The following MDFI variants were observed in gnomAD, a reference collection of about 807,000 sequenced individuals.
The protein encoded by MDFI is MyoD family inhibitor, also known as inhibitor of MyoD family a.
In MDFI, 16 loss-of-function variants were observed where a neutral mutation model predicts 22.3. That is an observed-to-expected ratio of 0.72 (90% CI 0.49 to 1.09). The LOEUF (loss-of-function observed/expected upper bound fraction) is 1.09. MDFI is among the 50% of genes least tolerant of loss of function. MDFI has a pLI of 0.00. For synonymous variants in MDFI, 145 were observed against 142.7 expected (o/e 1.02, Z -0.12); for missense variants, 314 against 326.1 (o/e 0.96, Z 0.29).
At position 41,639,895 on chromosome 6, in the gene MDFI, G is replaced by A. The variant is rs541246531; in HGVS notation, c.76+1070G>A. The A allele has an allele frequency of 6.3e-5, 62 of 985,420 alleles. No homozygotes were observed. In the South Asian group the frequency reaches 1.7e-3, roughly 27 times the overall value. 61.0% of individuals were successfully genotyped at this position (985,420 alleles called of 1,614,324 possible). ...CCGGCCTGCCTGCCTGTTCTAGGAG[G>A]CCCCTCTCCACTCCCCACCTACTTG... is the stretch of plus-strand genomic sequence containing the variant. On this transcript the variant is annotated intron_variant, in intron 2 of 4. Transcript: ENST00000230321.
intron 4 of MDFI, among the ~76,000 whole-genome samples, chr6:41,650,676 C>A (rs993497501): frequency 6.7e-6 from 1 of 149,662 alleles, no homozygotes; most frequent in African/African-American, 2.5e-5. Flanking sequence ...CGGGTTCAAG[C>A]GATTCTTCTG....
intron 2 of MDFI, among the ~76,000 whole-genome samples, chr6:41,644,285 C>T (rs916963290): frequency 9.9e-5 from 15 of 152,196 alleles, no homozygotes; most frequent in Admixed American, 9.2e-4. Context: ...CCCCTGCCTC[C>T]GTGGAGCCAT....
intron 2 of MDFI, 92 bp from the exon 3 acceptor site, chr6:41,646,034 A>G (rs7763699): frequency 0.16 from 183,576 of 1,132,482 alleles, 16,115 homozygotes; most frequent in African/African-American, 0.22. Flanking sequence ...ATGAGGGTTC[A>G]GTGGGCATGC....
rs570560973 is a variant in MDFI at position 41,653,217 on chromosome 6, C to T, written c.485-102C>T. The T allele has an allele frequency of 1.9e-5, 23 of 1,210,864 alleles. No individual in the cohort carries two copies. The highest frequency in any genetic ancestry group is 4.1e-4 in the Middle Eastern group (2 of 4,912). 75.0% of individuals were successfully genotyped at this position (1,210,864 alleles called of 1,614,324 possible). Reference sequence around the variant, plus strand: ...AGGCACACAGTGAACACTCAGCGTCCCTGCTGCTGCCGCTGCCGCAGGCCC... The same window carrying T: ...AGGCACACAGTGAACACTCAGCGTCTCTGCTGCTGCCGCTGCCGCAGGCCC... On this transcript the variant is annotated intron_variant, in intron 4 of 4. Coordinates refer to ENST00000230321, the MANE Select transcript of MDFI (RefSeq NM_005586.4). This position sits in a 1 kb window ranked among gnomAD's most constrained non-coding sequence, Gnocchi z 4.2.
chr6:41,643,542 G>GAAGA, intron 2 of MDFI, among the ~76,000 whole-genome samples: 1 of 115,930 alleles, frequency 8.6e-6, no homozygotes, highest in African/African-American at 3.3e-5. Context: ...GGGAAGGAGG[G>GAAGA]AAGGAGGGAA....
chr6:41,639,054 A>T (rs1767745483), intron 2 of MDFI, among the ~76,000 whole-genome samples: 1 of 151,122 alleles, frequency 6.6e-6, no homozygotes, highest in Non-Finnish European at 1.5e-5. Flanking sequence ...GTTGGCTCCA[A>T]CTCCCCGCAA....
In MDFI at chr6:41,653,199, C is replaced by T; in HGVS notation, c.485-120C>T. On this transcript the variant is annotated intron_variant, in intron 4 of 4. Transcript: ENST00000230321. This position sits in a 1 kb window ranked among gnomAD's most constrained non-coding sequence, Gnocchi z 4.2. ...GACGGATTCGTGAGCTTCAGGCACA[C>T]AGTGAACACTCAGCGTCCCTGCTGC... The T allele has an allele frequency of 9.8e-7, 1 of 1,018,742 alleles. No individual in the cohort carries two copies. Among genetic ancestry groups the T allele is most frequent in the Non-Finnish European group, 1.5e-6 (1 of 673,530 alleles). The allele number at this position is 1,018,742 out of a possible 1,614,324, so 63.1% of individuals were successfully genotyped here. A position where few individuals can be genotyped will look rare whatever the true frequency, so the allele number is the denominator to read the frequency against.
Position 41,649,794 on chromosome 6 carries a change from G to T in MDFI, c.435G>T (p.Lys145Asn). The T allele has an allele frequency of 6.2e-7, 1 of 1,614,074 alleles. No individual in the cohort carries two copies. Among genetic ancestry groups the T allele is most frequent in the Non-Finnish European group, 8.5e-7 (1 of 1,180,002 alleles). ...SLASQGSKKS[K>N]SSSKSTTSQI... ...CCAGCCAGGGCAGCAAGAAGAGTAA[G>T]AGCAGCAGCAAATCCACCACCTCCC... The change falls in exon 4 of 5, where the codon AAG (lysine) becomes AAT (asparagine). Residue 145 changes from lysine to asparagine, a missense_variant. Lys to Asn is a moderately conservative substitution (Grantham distance 94). Transcript: ENST00000230321.
At chr6:41,649,929 T>A in intron 4 of MDFI, 86 bp downstream of exon 4, 1 of 1,140,508 alleles carries the variant, frequency 8.8e-7, no homozygotes. Flanking sequence ...TGGAGCACCT[T>A]CACCAGGCTG....
In MDFI at chr6:41,653,286, T is replaced by C. The variant is rs776093714; in HGVS notation, c.485-33T>C. 1.3e-6 allele frequency: 2 copies of C among 1,596,760 alleles called. No homozygotes were observed. Among genetic ancestry groups the C allele is most frequent in the Admixed American group, 1.7e-5 (1 of 59,732 alleles). On this transcript the variant is annotated intron_variant, in intron 4 of 4. Coordinates refer to ENST00000230321, the MANE Select transcript of MDFI (RefSeq NM_005586.4). The surrounding 1 kb of genome is among the most constrained non-coding windows in gnomAD (Gnocchi z 4.2). Reference sequence around the variant, plus strand: ...CACACACGCTCATCCCTCCCCTCTCTCACCCGTCCCCCTCTCCACCGCCAC... The same window carrying C: ...CACACACGCTCATCCCTCCCCTCTCCCACCCGTCCCCCTCTCCACCGCCAC...
At chr6:41,642,601 CTG>C (rs1325782141) in intron 2 of MDFI, among the ~76,000 whole-genome samples, 1 of 152,204 alleles carries the variant, frequency 6.6e-6, no homozygotes, top group African/African-American at 2.4e-5. Flanking sequence ...TTCTGCTTCC[CTG>C]TCTCTGGATA....
intron 3 of MDFI, among the ~76,000 whole-genome samples, chr6:41,647,753 G>A (rs1768105087): frequency 6.6e-6 from 1 of 152,118 alleles, no homozygotes; most frequent in South Asian, 2.1e-4. Context: ...CTATTGCGAT[G>A]CCTAAAGAAG....
Position 41,638,646 on chromosome 6 carries a change from C to A in MDFI, c.-18C>A. ...GGCTGGAAGAGAGCGTAGCACGGCTCGCACGAGTGAGTGGACGTGGGAGGC... is the reference window on the plus strand; with the variant it reads ...GGCTGGAAGAGAGCGTAGCACGGCTAGCACGAGTGAGTGGACGTGGGAGGC... On this transcript the variant is annotated 5_prime_UTR_variant, in exon 1 of 5. Coordinates refer to ENST00000230321, the MANE Select transcript of MDFI (RefSeq NM_005586.4). This position sits in a 1 kb window ranked among gnomAD's most constrained non-coding sequence, Gnocchi z 7.6. 1 of 1,310,812 alleles carries A rather than the reference C, an allele frequency of 7.6e-7. No homozygotes were observed. Among genetic ancestry groups the A allele is most frequent in the Non-Finnish European group, 1.0e-6 (1 of 953,088 alleles). The allele number at this position is 1,310,812 out of a possible 1,614,324, so 81.2% of individuals were successfully genotyped here.
At chr6:41,639,914 C>T in intron 2 of MDFI, 1 of 985,476 alleles carries the variant, frequency 1.0e-6, no homozygotes. Flanking sequence ...CACTCCCCAC[C>T]TACTTGGTAT....
In MDFI at chr6:41,638,700, C is replaced by T. The variant is rs149343216; in HGVS notation, c.-11-39C>T. ...CATCTGCGGGGGAATCGCCCCTTGC[C>T]CGCCTCCGGCGCCGCCCGCTGAGCC... is the stretch of plus-strand genomic sequence containing the variant. On this transcript the variant is annotated intron_variant, in intron 1 of 4. Transcript: ENST00000230321. The surrounding 1 kb of genome is among the most constrained non-coding windows in gnomAD (Gnocchi z 7.6). 8.9e-5 allele frequency: 137 copies of T among 1,534,172 alleles called. No homozygotes were observed. Among genetic ancestry groups the T allele is most frequent in the Middle Eastern group, 2.3e-4 (1 of 4,366 alleles).
At chr6:41,645,280 A>C in intron 2 of MDFI, among the ~76,000 whole-genome samples, 2 of 149,988 alleles carry the variant, frequency 1.3e-5, no homozygotes, top group Non-Finnish European at 3.0e-5. Context: ...CCCATCCCCC[A>C]TCCCTTTTCC....
upstream of MDFI, among the ~76,000 whole-genome samples, chr6:41,637,909 G>T (rs1472837557): frequency 6.6e-6 from 1 of 152,164 alleles, no homozygotes; most frequent in Non-Finnish European, 1.5e-5. The surrounding 1 kb of genome is among the most constrained non-coding windows in gnomAD (Gnocchi z 6.8). Flanking sequence ...AGGCTGGTTG[G>T]TCACTAACCG....
At chr6:41,642,349 C>T (rs965766698) in intron 2 of MDFI, among the ~76,000 whole-genome samples, 9 of 152,200 alleles carry the variant, frequency 5.9e-5, no homozygotes, top group Non-Finnish European at 1.3e-4. Context: ...TGCTGGCCAC[C>T]CCCTTGCCTC....
chr6:41,639,752 C>G lies in MDFI; in HGVS notation c.76+927C>G. 5.1e-6 allele frequency: 5 copies of G among 985,444 alleles called. No homozygotes were observed. The South Asian group carries it at 1.9e-4, about 37-fold the overall frequency. 61.0% of individuals were successfully genotyped at this position (985,444 alleles called of 1,614,324 possible). Reference sequence around the variant, plus strand: ...CCCCACCAGCGCCATTCCCCCTTTCCCCTCTTTGACTCTGAATAATGAAGG... The same window carrying G: ...CCCCACCAGCGCCATTCCCCCTTTCGCCTCTTTGACTCTGAATAATGAAGG... On this transcript the variant is annotated intron_variant, in intron 2 of 4. Coordinates refer to ENST00000230321, the MANE Select transcript of MDFI (RefSeq NM_005586.4).
Sources: allele counts gnomAD v4.1 joint callset (sites outside exome capture counted in the v4.1 genomes callset), GRCh38; gene constraint gnomAD v4.1.1; non-coding constraint Gnocchi (gnomAD v3.1); transcripts MANE v1.5; gene names NCBI Gene and HGNC (gene_info 2026-07-23, HGNC 2026-07-21).